The following WDFY4 variants were observed in gnomAD, a reference collection of about 807,000 sequenced individuals.
WDFY4 encodes the protein WDFY family member 4.
WDFY4 carries 169 observed loss-of-function variants against 351.9 expected under a neutral mutation model. The observed-to-expected ratio is 0.48, with a 90% confidence interval of 0.42 to 0.55. The LOEUF (loss-of-function observed/expected upper bound fraction) is 0.55, where lower values mean the gene tolerates loss of function less well. Ranked by LOEUF, WDFY4 falls within the 20% of genes least tolerant of loss-of-function variation. The pLI, the probability that WDFY4 is intolerant of heterozygous loss-of-function variation, is 0.00. For missense variants in WDFY4, 3,803 were observed against 3,935.6 expected (o/e 0.97, Z 0.90); for synonymous variants, 1,622 against 1,574.6 (o/e 1.03, Z -0.71).
chr10:48,792,544 T>C (rs2066719174), intron 23 of WDFY4, among the ~76,000 whole-genome samples: 1 of 152,238 alleles, frequency 6.6e-6, no homozygotes, highest in Non-Finnish European at 1.5e-5. Context: ...TCTCTGAATA[T>C]GCTGTTAAAG....
intron 39 of WDFY4, among the ~76,000 whole-genome samples, chr10:48,839,051 C>T (rs143138637): frequency 1.7e-4 from 26 of 152,336 alleles, no homozygotes; most frequent in Non-Finnish European, 3.2e-4. Flanking sequence ...TCTAGTTAAA[C>T]GCTTGGGCTC....
chr10:48,809,351 A>G (rs1229872376), intron 28 of WDFY4, among the ~76,000 whole-genome samples: 1 of 148,100 alleles, frequency 6.8e-6, no homozygotes, highest in East Asian at 1.9e-4. Context: ...CACCATCATC[A>G]CCACATTAAT....
intron 1 of WDFY4, among the ~76,000 whole-genome samples, chr10:48,696,407 CA>C (rs2063331522): frequency 6.6e-6 from 1 of 152,236 alleles, no homozygotes; most frequent in South Asian, 2.1e-4. Flanking sequence ...GGCATTCCCC[CA>C]ACACAGGCTT....
At chr10:48,889,768 G>A (rs1033745041) in intron 43 of WDFY4, among the ~76,000 whole-genome samples, 1 of 152,196 alleles carries the variant, frequency 6.6e-6, no homozygotes, top group African/African-American at 2.4e-5. Flanking sequence ...AGGATTGCAG[G>A]GCTGGGCCAG....
intron 47 of WDFY4, among the ~76,000 whole-genome samples, chr10:48,915,959 A>T (rs887313108): frequency 6.6e-6 from 1 of 152,230 alleles, no homozygotes; most frequent in Admixed American, 6.5e-5. Flanking sequence ...CAGCTCTGAG[A>T]AACCAGATAG....
chr10:48,911,758 A>G (rs1838027476), intron 47 of WDFY4, among the ~76,000 whole-genome samples: 1 of 152,198 alleles, frequency 6.6e-6, no homozygotes. Flanking sequence ...AAGCTACTAT[A>G]TTTAGTAGTA....
rs955781100 is a variant in WDFY4, at chr10:48,730,095, G to A, written c.1129+506G>A. ...CCTAGTCTGCTGGAGAATCGGCTAA[G>A]AAATGCATCAGGCACAGCCATGACC... On this transcript the variant is annotated intron_variant, in intron 8 of 61. Coordinates refer to ENST00000325239, the MANE Select transcript of WDFY4 (RefSeq NM_001394531.1). 3.3e-5 allele frequency among the ~76,000 whole-genome samples: 5 copies of A among 152,246 alleles called. No homozygotes were observed. In the East Asian group the frequency reaches 9.6e-4, roughly 29 times the overall value.
chr10:48,885,026 A>G (rs2070399565), intron 43 of WDFY4, among the ~76,000 whole-genome samples: 1 of 152,262 alleles, frequency 6.6e-6, no homozygotes, highest in Non-Finnish European at 1.5e-5. Context: ...ATGAACAAAT[A>G]GATGAGTGAA....
In WDFY4 at chr10:48,796,413, A is replaced by G. The variant is rs1199395610; in HGVS notation, c.4373A>G (p.Asn1458Ser). 1 of 1,552,042 alleles carries G rather than the reference A, an allele frequency of 6.4e-7. No homozygotes were observed. The highest frequency in any genetic ancestry group is 8.7e-7 in the Non-Finnish European group (1 of 1,147,086). ...ELGFRSSAITNTGVFQHILCN... is the reference protein window; with the variant it reads ...ELGFRSSAITSTGVFQHILCN... ...GGCTTCAGGTCATCTGCTATCACCA[A>G]CACTGGTGTCTTCCAGCACATCCTC... Residue 1458 changes from asparagine (N) to serine (S), a missense_variant, in exon 24 of 62, where the codon AAC becomes AGC. Coordinates refer to ENST00000325239, the MANE Select transcript of WDFY4 (RefSeq NM_001394531.1).
chr10:48,728,600 C>T (rs150473019), intron 7 of WDFY4, among the ~76,000 whole-genome samples: 1 of 152,350 alleles, frequency 6.6e-6, no homozygotes, highest in Non-Finnish European at 1.5e-5. Context: ...GGCCAAAGTC[C>T]TTTGGTCCAC....
At chr10:48,932,660 G>GC in intron 47 of WDFY4, 1 of 151,650 alleles carries the variant, frequency 6.6e-6, no homozygotes, top group Middle Eastern at 3.2e-3. Context: ...AAAAAAAAGA[G>GC]GGAGAGAGAG....
intron 13 of WDFY4, among the ~76,000 whole-genome samples, chr10:48,768,148 C>T (rs1370689409): frequency 6.6e-6 from 1 of 152,172 alleles, no homozygotes; most frequent in Non-Finnish European, 1.5e-5. Flanking sequence ...CTGGTGGAGG[C>T]TGCTTCAGAG....
At chr10:48,867,396 A>G in intron 40 of WDFY4, 54 bp downstream of exon 40, 1 of 1,220,148 alleles carries the variant, frequency 8.2e-7, no homozygotes, top group Non-Finnish European at 1.1e-6. Context: ...TCCACCTTGA[A>G]CCTGAAAAAT....
At chr10:48,887,841 G>A (rs2070531149) in intron 43 of WDFY4, among the ~76,000 whole-genome samples, 1 of 152,104 alleles carries the variant, frequency 6.6e-6, no homozygotes, top group African/African-American at 2.4e-5. Flanking sequence ...TTATCTGCAA[G>A]GATGGTCATT....
At chr10:48,724,357 C>T (rs531269985) in intron 5 of WDFY4, among the ~76,000 whole-genome samples, 24 of 152,256 alleles carry the variant, frequency 1.6e-4, no homozygotes, top group South Asian at 6.2e-4. Context: ...CCACATTAGA[C>T]GAATTCCCAA....
At chr10:48,711,237 A>G (rs2063761483) in intron 2 of WDFY4, among the ~76,000 whole-genome samples, 1 of 152,216 alleles carries the variant, frequency 6.6e-6, no homozygotes, top group Non-Finnish European at 1.5e-5. Flanking sequence ...CAAGTAACTC[A>G]CTGTCCATTA....
At chr10:48,810,865 T>C (rs1026172309) in intron 29 of WDFY4, 130 bp downstream of exon 29, 1 of 972,260 alleles carries the variant, frequency 1.0e-6, no homozygotes, top group African/African-American at 1.7e-5. Context: ...GAGCCCTGAC[T>C]CCAAGGCCTA....
At chr10:48,942,336 A>G (rs1351463252) in intron 48 of WDFY4, among the ~76,000 whole-genome samples, 2 of 152,176 alleles carry the variant, frequency 1.3e-5, no homozygotes, top group Admixed American at 6.5e-5. Context: ...ATGGAGTACA[A>G]ATCTTGCACA....
intron 24 of WDFY4, among the ~76,000 whole-genome samples, chr10:48,799,541 G>A (rs563854710): frequency 1.4e-4 from 21 of 152,252 alleles, no homozygotes; most frequent in South Asian, 2.1e-4. Flanking sequence ...CGAAGAGGCC[G>A]AGGCGGGTGG....
Sources: gnomAD v4.1 joint callset for allele counts (sites outside exome capture counted in the v4.1 genomes callset) on GRCh38, gnomAD v4.1.1 for gene constraint, MANE v1.5 for transcripts, NCBI Gene and HGNC (gene_info 2026-07-23, HGNC 2026-07-21) for gene names.